The following GRPEL2 variants were observed in gnomAD, a reference collection of about 807,000 sequenced individuals.
GRPEL2 encodes the protein grpE protein homolog 2, mitochondrial.
GRPEL2 carries 18 observed loss-of-function variants against 25.9 expected under a neutral mutation model. That is an observed-to-expected ratio of 0.70 (90% CI 0.48 to 1.03). The LOEUF (loss-of-function observed/expected upper bound fraction) is 1.03, where lower values mean the gene tolerates loss of function less well. Ranked by LOEUF, GRPEL2 falls within the 50% of genes least tolerant of loss-of-function variation. The pLI is 0.00. For synonymous variants in GRPEL2, 106 were observed against 107.9 expected (o/e 0.98, Z 0.11); for missense variants, 247 against 276.2 (o/e 0.89, Z 0.75).
At chr5:149,349,284 C>T (rs1181899023) in intron 2 of GRPEL2, among the ~76,000 whole-genome samples, 7 of 152,180 alleles carry the variant, frequency 4.6e-5, no homozygotes, top group African/African-American at 1.7e-4. Flanking sequence ...GCGTGAGCCA[C>T]CGTGCCCTGC....
At position 149,348,290 on chromosome 5, in the gene GRPEL2, CA is replaced by C. The variant is rs1011539195; in HGVS notation, c.97del (p.Ser33AlafsTer30). ...GTTTTAGGGGATGGCCGCTTCCATTCAGCACTGCCACCCAGAGAACTGCTGG... is the reference window on the plus strand; with the variant it reads ...GTTTTAGGGGATGGCCGCTTCCATTCGCACTGCCACCCAGAGAACTGCTGG... ...WESKGWPLPF[S>X]TATQRTAGED... On this transcript the variant is annotated frameshift_variant, in exon 2 of 4. Coordinates refer to ENST00000329271, the MANE Select transcript of GRPEL2 (RefSeq NM_152407.4). LOFTEE classifies it high-confidence loss of function. 3 of 1,605,560 alleles carry C rather than the reference CA, an allele frequency of 1.9e-6. No homozygotes were observed. Among genetic ancestry groups the C allele is most frequent in the Non-Finnish European group, 2.5e-6 (3 of 1,177,870 alleles).
chr5:149,349,447 GCTAAATGA>G (rs1310734763), intron 2 of GRPEL2, among the ~76,000 whole-genome samples, 199 bp from the exon 3 acceptor site: 1 of 152,234 alleles, frequency 6.6e-6, no homozygotes, highest in Admixed American at 6.5e-5. Context: ...GAACTGTCAG[GCTAAATGA>G]CTACCTAGCA....
Position 149,348,395 on chromosome 5 carries a change from T to G in GRPEL2, c.201T>G (p.Val67=), listed in dbSNP as rs1561694711. 6.2e-7 allele frequency: 1 copy of G among 1,611,454 alleles called. No homozygotes were observed. ...LAERALRVKA[V]KLEKEVQDLT... ...AACGAGCCTTAAGGGTAAAAGCTGT[T>G]AAACTGGAGAAAGAAGTCCAAGATT... Residue 67 remains valine (V), a synonymous_variant, in exon 2 of 4, where the codon GTT becomes GTG. Coordinates refer to ENST00000329271, the MANE Select transcript of GRPEL2 (RefSeq NM_152407.4).
rs1048127867 is a variant in GRPEL2, at chr5:149,352,086, C to A, written c.*804C>A. On this transcript the variant is annotated 3_prime_UTR_variant, in exon 4 of 4. Coordinates refer to ENST00000329271, the MANE Select transcript of GRPEL2 (RefSeq NM_152407.4). ...AGATGGCTCTATTTGGGTAATTTAC[C>A]TACAACTTATTCCACCAGCCTTTAC... 1 of 152,168 alleles carries A rather than the reference C, an allele frequency of 6.6e-6. No individual in the cohort carries two copies. Among genetic ancestry groups the A allele is most frequent in the African/African-American group, 2.4e-5 (1 of 41,424 alleles). The allele number at this position is 152,168 out of a possible 1,614,324, so 9.4% of individuals were successfully genotyped here.
In GRPEL2 at chr5:149,345,563, G is replaced by C; in HGVS notation, c.24G>C (p.Ala8=). 3.7e-6 allele frequency: 6 copies of C among 1,612,044 alleles called. No homozygotes were observed. The highest frequency in any genetic ancestry group is 5.1e-6 in the Non-Finnish European group (6 of 1,179,334). Residue 8 remains alanine, a synonymous_variant, in exon 1 of 4, where the codon GCG becomes GCC. Coordinates refer to ENST00000329271, the MANE Select transcript of GRPEL2 (RefSeq NM_152407.4). ...ACATGGCCGTACGGTCGCTGTGGGC[G>C]GGCCGGCTGCGGGTGCAGCGCCTAC... is the stretch of plus-strand genomic sequence containing the variant. The part of the protein sequence containing the change: MAVRSLW[A]GRLRVQRLLA...
At chr5:149,345,646 G>A (rs754615786) in intron 1 of GRPEL2, 30 bp downstream of exon 1, 2 of 1,565,418 alleles carry the variant, frequency 1.3e-6, no homozygotes, top group Admixed American at 1.8e-5. Flanking sequence ...AGTCGGGAGC[G>A]TGAGGACTCT....
At chr5:149,349,151 A>T (rs1757736429) in intron 2 of GRPEL2, among the ~76,000 whole-genome samples, 1 of 152,146 alleles carries the variant, frequency 6.6e-6, no homozygotes, top group Admixed American at 6.5e-5. Context: ...GCCTGACACC[A>T]TGCCAGGCTG....
rs1757823209 is a variant in GRPEL2, at chr5:149,354,350, A to C, written c.*3068A>C. 6.6e-6 allele frequency: 1 copy of C among 152,246 alleles called. No individual in the cohort carries two copies. The highest frequency in any genetic ancestry group is 6.5e-5 in the Admixed American group (1 of 15,286). The allele number at this position is 152,246 out of a possible 1,614,324, so 9.4% of individuals were successfully genotyped here. A position where few individuals can be genotyped will look rare whatever the true frequency, so the allele number is the denominator to read the frequency against. On this transcript the variant is annotated 3_prime_UTR_variant, in exon 4 of 4. Coordinates refer to ENST00000329271, the MANE Select transcript of GRPEL2 (RefSeq NM_152407.4). ...TGGTGTTGTAGTACTTGGACTGTAC[A>C]AATGTTTTACTGACTTTTCTTACTG...
rs1455323464 is a variant in GRPEL2, at chr5:149,354,242, C to T, written c.*2960C>T. 6.6e-6 allele frequency: 1 copy of T among 152,140 alleles called. No homozygotes were observed. The highest frequency in any genetic ancestry group is 1.9e-4 in the East Asian group (1 of 5,196). 9.4% of individuals were successfully genotyped at this position (152,140 alleles called of 1,614,324 possible). ...TTGTGTCAGTGCTCTTAGTTATTTT[C>T]ATCTTAATGGTATAGTGAAAAGACA... On this transcript the variant is annotated 3_prime_UTR_variant, in exon 4 of 4. Transcript: ENST00000329271.
At chr5:149,349,373 G>A (rs1757742254) in intron 2 of GRPEL2, among the ~76,000 whole-genome samples, 2 of 152,234 alleles carry the variant, frequency 1.3e-5, no homozygotes, top group Non-Finnish European at 2.9e-5. Flanking sequence ...GGTTGGCAGT[G>A]TTGGCTGAAT....
Position 149,351,571 on chromosome 5 carries a change from A to T in GRPEL2, c.*289A>T. 3.6e-6 allele frequency: 1 copy of T among 276,886 alleles called. No individual in the cohort carries two copies. The highest frequency in any genetic ancestry group is 6.0e-5 in the South Asian group (1 of 16,740). 17.2% of individuals were successfully genotyped at this position (276,886 alleles called of 1,614,324 possible). A position where few individuals can be genotyped will look rare whatever the true frequency, so the allele number is the denominator to read the frequency against. On this transcript the variant is annotated 3_prime_UTR_variant, in exon 4 of 4. Coordinates refer to ENST00000329271, the MANE Select transcript of GRPEL2 (RefSeq NM_152407.4). ...TAAATTTGAATCCAAAATCCTTTTA[A>T]CTATGGGTTTTCAACTACATGTTTC...
rs1314236155 is a variant in GRPEL2, at chr5:149,345,531, A to G, written c.-9A>G. 5 of 1,609,884 alleles carry G rather than the reference A, an allele frequency of 3.1e-6. No homozygotes were observed. In the South Asian group the frequency reaches 3.3e-5, roughly 11 times the overall value. ...GCGCGTGCGCTGCCTCTCAGCCCAA[A>G]TTGGAAACATGGCCGTACGGTCGCT... On this transcript the variant is annotated 5_prime_UTR_variant, in exon 1 of 4. Coordinates refer to ENST00000329271, the MANE Select transcript of GRPEL2 (RefSeq NM_152407.4).
intron 1 of GRPEL2, among the ~76,000 whole-genome samples, chr5:149,346,440 T>C (rs62378140): frequency 4.1e-4 from 63 of 152,180 alleles, no homozygotes; most frequent in South Asian, 6.2e-4. Flanking sequence ...TATGTCACCC[T>C]TTTTACCTTA....
Position 149,352,649 on chromosome 5 carries a change from TTAATGAATGA to T in GRPEL2, c.*1370_*1379del, listed in dbSNP as rs1272750361. ...GTAAAAGATTTGTCCAATAAACGAC[TTAATGAATGA>T]TACATCAGTCAGATTTTAGGAAGGC... On this transcript the variant is annotated 3_prime_UTR_variant, in exon 4 of 4. Transcript: ENST00000329271. 3.9e-5 allele frequency: 6 copies of T among 152,190 alleles called. No homozygotes were observed. Among genetic ancestry groups the T allele is most frequent in the Non-Finnish European group, 4.4e-5 (3 of 68,038 alleles). The allele number at this position is 152,190 out of a possible 1,614,324, so 9.4% of individuals were successfully genotyped here. A position where few individuals can be genotyped will look rare whatever the true frequency, so the allele number is the denominator to read the frequency against.
rs1160657121 is a variant in GRPEL2, at chr5:149,352,808, A to G, written c.*1526A>G. The G allele has an allele frequency of 1.3e-5, 2 of 152,168 alleles. No homozygotes were observed. The highest frequency in any genetic ancestry group is 1.9e-4 in the East Asian group (1 of 5,192). The allele number at this position is 152,168 out of a possible 1,614,324, so 9.4% of individuals were successfully genotyped here. ...ACACAAGGAAAATAATCTCTAAACT[A>G]TTGACTAAATTCCAGTGAGAGTATG... On this transcript the variant is annotated 3_prime_UTR_variant, in exon 4 of 4. Coordinates refer to ENST00000329271, the MANE Select transcript of GRPEL2 (RefSeq NM_152407.4).
intron 3 of GRPEL2, among the ~76,000 whole-genome samples, chr5:149,350,215 C>G (rs962777792): frequency 1.3e-5 from 2 of 152,194 alleles, no homozygotes; most frequent in African/African-American, 4.8e-5. Flanking sequence ...TGATGACTTT[C>G]TTGCCCTCAT....
At chr5:149,348,223 G>A (rs370980363) in intron 1 of GRPEL2, 49 bp from the exon 2 acceptor site, 2 of 1,524,474 alleles carry the variant, frequency 1.3e-6, no homozygotes, top group African/African-American at 2.8e-5. Flanking sequence ...TTGTAATTTT[G>A]GCTTATGATG....
In GRPEL2 at chr5:149,346,055, C is replaced by T. The variant is rs1184351851; in HGVS notation, c.77+439C>T. 3.9e-5 allele frequency among the ~76,000 whole-genome samples: 6 copies of T among 152,346 alleles called. No homozygotes were observed. In the South Asian group the frequency reaches 1.0e-3, roughly 26 times the overall value. ...CCGCTGAACTTGTTTCTCCAAACGG[C>T]CATTGCATCAGCCTTCGGAAGACAA... is the stretch of plus-strand genomic sequence containing the variant. On this transcript the variant is annotated intron_variant, in intron 1 of 3. Transcript: ENST00000329271.
At chr5:149,345,926 G>A in intron 1 of GRPEL2, 1 of 389,812 alleles carries the variant, frequency 2.6e-6, no homozygotes, top group Non-Finnish European at 4.7e-6. Flanking sequence ...CCCAGCCTGT[G>A]GTACCTGTGG....
Sources: gnomAD v4.1 joint callset for allele counts (sites outside exome capture counted in the v4.1 genomes callset) on GRCh38, gnomAD v4.1.1 for gene constraint, MANE v1.5 for transcripts, NCBI Gene and HGNC (gene_info 2026-07-23, HGNC 2026-07-21) for gene names.